SLC25A21: variants seen among roughly 807,000 people sequenced by gnomAD.
SLC25A21 encodes the protein solute carrier family 25 member 21, also known as mitochondrial 2-oxodicarboxylate carrier.
Under a neutral mutation model 43.8 loss-of-function variants are expected in SLC25A21, and 47 were observed. The observed-to-expected ratio is 1.07, with a 90% CI of 0.85 to 1.37. The LOEUF is 1.37. Ranked by LOEUF, SLC25A21 falls within the 40% of genes most tolerant of loss-of-function variation. The pLI is 0.00. For synonymous variants in SLC25A21, 131 were observed against 121.3 expected, an observed-to-expected ratio of 1.08 and a Z score of -0.52; for missense variants, 352 against 350.2, an observed-to-expected ratio of 1.00 and a Z score of -0.04.
intron 5 of SLC25A21, 110 bp from the exon 6 acceptor site, chr14:36,725,787 C>G (rs978432428): frequency 2.0e-6 from 1 of 511,102 alleles, no homozygotes; most frequent in Non-Finnish European, 3.2e-6. Flanking sequence ...AATGGAGAAA[C>G]CTACATAAAC....
chr14:36,858,489 C>T (rs1202512123), intron 2 of SLC25A21, among the ~76,000 whole-genome samples: 1 of 152,152 alleles, frequency 6.6e-6, no homozygotes, highest in Non-Finnish European at 1.5e-5. Context: ...CCTAACTTTT[C>T]TGTAAAATCC....
At chr14:36,967,861 C>T (rs942961396) in intron 1 of SLC25A21, among the ~76,000 whole-genome samples, 2 of 151,992 alleles carry the variant, frequency 1.3e-5, no homozygotes, top group Non-Finnish European at 2.9e-5. Flanking sequence ...TGTGTGTGTG[C>T]GTGTGGGTGT....
At chr14:36,716,072 C>G (rs940750002) in intron 6 of SLC25A21, among the ~76,000 whole-genome samples, 3 of 151,952 alleles carry the variant, frequency 2.0e-5, no homozygotes, top group African/African-American at 7.3e-5. Flanking sequence ...GCCTGGGAGA[C>G]AGAGTGAGAC....
intron 1 of SLC25A21, among the ~76,000 whole-genome samples, chr14:37,032,803 A>G (rs1961247628): frequency 6.6e-6 from 1 of 152,148 alleles, no homozygotes; most frequent in African/African-American, 2.4e-5. Flanking sequence ...ATTCAGGAAA[A>G]TTTAGCATTT....
chr14:37,103,913 C>T (rs1179868544), intron 1 of SLC25A21, among the ~76,000 whole-genome samples: 1 of 152,200 alleles, frequency 6.6e-6, no homozygotes, highest in East Asian at 1.9e-4. Flanking sequence ...TTGTTACCCA[C>T]TCATATCCTT....
intron 1 of SLC25A21, among the ~76,000 whole-genome samples, chr14:36,903,810 G>C (rs1891462098): frequency 6.6e-6 from 1 of 152,056 alleles, no homozygotes; most frequent in South Asian, 2.1e-4. Flanking sequence ...GTTGAAGCCA[G>C]CTCCCTTGCT....
At chr14:36,948,362 A>G (rs1239569821) in intron 1 of SLC25A21, among the ~76,000 whole-genome samples, 3 of 152,212 alleles carry the variant, frequency 2.0e-5, no homozygotes, top group African/African-American at 7.2e-5. Flanking sequence ...GGATTCAGTT[A>G]TGCTTGTCAT....
intron 1 of SLC25A21, among the ~76,000 whole-genome samples, chr14:36,884,905 C>T (rs1890869805): frequency 6.6e-6 from 1 of 152,074 alleles, no homozygotes; most frequent in African/African-American, 2.4e-5. Context: ...AGTATTTTCT[C>T]CGAACCCATG....
At chr14:36,730,989 T>G in intron 4 of SLC25A21, among the ~76,000 whole-genome samples, 1 of 151,290 alleles carries the variant, frequency 6.6e-6, no homozygotes, top group African/African-American at 2.4e-5. Context: ...TTTTTTTTTT[T>G]CGAGATGGAG....
chr14:37,084,420 T>C (rs1230360044), intron 1 of SLC25A21, among the ~76,000 whole-genome samples: 1 of 152,248 alleles, frequency 6.6e-6, no homozygotes, highest in Non-Finnish European at 1.5e-5. Flanking sequence ...GGTAGAGAAC[T>C]GTAAAACAGT....
intron 2 of SLC25A21, among the ~76,000 whole-genome samples, chr14:36,863,469 T>C (rs1890129403): frequency 6.6e-6 from 1 of 152,152 alleles, no homozygotes; most frequent in African/African-American, 2.4e-5. Flanking sequence ...GTCATAAAAA[T>C]AGCTTGTTCC....
At chr14:36,999,361 T>C (rs1960437984) in intron 1 of SLC25A21, among the ~76,000 whole-genome samples, 1 of 152,164 alleles carries the variant, frequency 6.6e-6, no homozygotes, top group African/African-American at 2.4e-5. Context: ...GATCAGTGGT[T>C]GCCAGAAACT....
At chr14:37,112,884 G>A (rs777462246) in intron 1 of SLC25A21, among the ~76,000 whole-genome samples, 1 of 152,012 alleles carries the variant, frequency 6.6e-6, no homozygotes, top group Non-Finnish European at 1.5e-5. Flanking sequence ...ATTTTAGGGT[G>A]TCTTTGATAC....
At chr14:37,126,855 T>G (rs1963306654) in intron 1 of SLC25A21, among the ~76,000 whole-genome samples, 1 of 152,204 alleles carries the variant, frequency 6.6e-6, no homozygotes. Context: ...AATGGTTCAT[T>G]TTTTATAGAG....
rs1266131447 is a variant in SLC25A21 at position 36,711,322 on chromosome 14, T to C, written c.599A>G (p.Asn200Ser). 3.7e-6 allele frequency: 6 copies of C among 1,613,318 alleles called. No individual in the cohort carries two copies. Among genetic ancestry groups the C allele is most frequent in the African/African-American group, 1.3e-5 (1 of 74,898 alleles). Residue 200 changes from asparagine to serine, a missense_variant, in exon 7 of 10, where the codon AAT (asparagine) becomes AGT (serine). Physicochemically the swap from Asn to Ser is conservative, Grantham distance 46. Coordinates refer to ENST00000331299, the MANE Select transcript of SLC25A21 (RefSeq NM_030631.4). ...TTTAATTTATTAAATAGTTACCTTA[T>C]TGACAGGAATCATGTTTTTGACATT... ...YYNVKNMIPV[N>S]KDPILEFWRK...
intron 1 of SLC25A21, among the ~76,000 whole-genome samples, chr14:37,026,094 A>G (rs1052820489): frequency 4.6e-5 from 7 of 152,164 alleles, no homozygotes. Flanking sequence ...CTAAAAAAAG[A>G]AGCAATCTTC....
In SLC25A21 at chr14:36,681,724, C is replaced by T. The variant is rs140915580; in HGVS notation, c.839-1005G>A. 1.4e-3 allele frequency among the ~76,000 whole-genome samples: 211 copies of T among 152,180 alleles called. 1 individual carries two copies. Among genetic ancestry groups the T allele is most frequent in the African/African-American group, 4.7e-3 (197 of 41,540 alleles). On this transcript the variant is annotated intron_variant, in intron 9 of 9. Transcript: ENST00000331299. ...ATTTGGGTCTTAGTTATTTTGAACA[C>T]ACTGCCATATACTTTTTTTTTTAAT...
intron 2 of SLC25A21, among the ~76,000 whole-genome samples, chr14:36,832,510 G>T (rs760042511): frequency 2.9e-4 from 44 of 152,064 alleles, no homozygotes; most frequent in Non-Finnish European, 5.1e-4. Context: ...TAGTTGTAGA[G>T]GGATTTTCAA....
chr14:37,131,882 C>T (rs1963397530), intron 1 of SLC25A21, among the ~76,000 whole-genome samples: 1 of 152,178 alleles, frequency 6.6e-6, no homozygotes, highest in Non-Finnish European at 1.5e-5. Flanking sequence ...CTATATTGCC[C>T]AGGCTGGTCT....
Sources: gnomAD v4.1 joint callset for allele counts (sites outside exome capture counted in the v4.1 genomes callset) on GRCh38, gnomAD v4.1.1 for gene constraint, MANE v1.5 for transcripts, NCBI Gene and HGNC (gene_info 2026-07-23, HGNC 2026-07-21) for gene names.